Variants in CDH4 observed in about 807,000 individuals in gnomAD.
CDH4 encodes cadherin 4.
Under a neutral mutation model 86.0 loss-of-function variants are expected in CDH4, and 33 were observed. The ratio of observed to expected loss-of-function variants is 0.38; its 90% CI spans 0.29 to 0.51. CDH4 has a LOEUF of 0.51. Among genes scored for constraint, CDH4 ranks in the 20% least tolerant of loss-of-function variants. CDH4 has a pLI of 0.86. For synonymous variants in CDH4, 555 were observed against 549.4 expected (o/e 1.01, Z -0.14); for missense variants, 1,114 against 1,307.4 (o/e 0.85, Z 2.28).
chr20:61,796,728 G>A (rs1979551903), intron 4 of CDH4, among the ~76,000 whole-genome samples: 1 of 152,194 alleles, frequency 6.6e-6, no homozygotes, highest in Admixed American at 6.5e-5. Context: ...AGGTGTCAGG[G>A]CCCAAGGGGA....
intron 2 of CDH4, among the ~76,000 whole-genome samples, chr20:61,598,024 A>AT (rs1295612600): frequency 1.3e-5 from 2 of 152,178 alleles, no homozygotes; most frequent in African/African-American, 4.8e-5. Flanking sequence ...GGGCTCCTGA[A>AT]TTGTCAGCAG....
In CDH4 at chr20:61,703,752, G is replaced by T. The variant is rs2087801576; in HGVS notation, c.170-39811G>T. Among the ~76,000 whole-genome samples the T allele has an allele frequency of 6.6e-6, 1 of 152,230 alleles. No homozygotes were observed. The highest frequency in any genetic ancestry group is 2.4e-5 in the African/African-American group (1 of 41,460). On this transcript the variant is annotated intron_variant, in intron 2 of 15. Transcript: ENST00000614565. The surrounding 1 kb of genome is among the most constrained non-coding windows in gnomAD (Gnocchi z 4.3). ...GTTGAGGCTTTCTGTGTCTGCATCA[G>T]ACCCTGTGCACTATTCAGCCTCCCT...
intron 2 of CDH4, among the ~76,000 whole-genome samples, chr20:61,633,747 C>T (rs200411669): frequency 3.9e-5 from 6 of 152,228 alleles, no homozygotes; most frequent in Admixed American, 6.5e-5. Context: ...GGAGAACTGA[C>T]GAGACCGTCA....
At chr20:61,859,783 G>A (rs1314383850) in intron 6 of CDH4, among the ~76,000 whole-genome samples, 2 of 152,250 alleles carry the variant, frequency 1.3e-5, no homozygotes, top group African/African-American at 2.4e-5. Flanking sequence ...GTAGCCTCAC[G>A]GCCAGCTTCG....
intron 2 of CDH4, among the ~76,000 whole-genome samples, chr20:61,537,087 T>C (rs1015592864): frequency 5.3e-5 from 8 of 152,128 alleles, no homozygotes; most frequent in African/African-American, 1.9e-4. Flanking sequence ...TAGACAGGCG[T>C]TCACTGGGGA....
chr20:61,252,549 C>T lies in CDH4; in HGVS notation c.36C>T (p.Leu12=). ...GCGCCGGCGTGCTCCTTCTGCTGCT[C>T]TCGCTCTCCGGCGCGCTCCGGGTAA... ...TAGAGVLLLL[L]SLSGALRAHN... Residue 12 remains leucine, a synonymous_variant, in exon 1 of 16, where the codon CTC becomes CTT. Transcript: ENST00000614565. The surrounding 1 kb of genome is among the most constrained non-coding windows in gnomAD (Gnocchi z 4.4). 1 of 1,203,808 alleles carries T rather than the reference C, an allele frequency of 8.3e-7. No homozygotes were observed. The highest frequency in any genetic ancestry group is 1.0e-6 in the Non-Finnish European group (1 of 969,798). 74.6% of individuals were successfully genotyped at this position (1,203,808 alleles called of 1,614,324 possible).
At chr20:61,808,013 A>G (rs1251463962) in intron 4 of CDH4, among the ~76,000 whole-genome samples, 1 of 152,098 alleles carries the variant, frequency 6.6e-6, no homozygotes, top group African/African-American at 2.4e-5. Context: ...ACAATGAACC[A>G]GTAATCCAGC....
chr20:61,894,096 T>G (rs559191144), intron 7 of CDH4, among the ~76,000 whole-genome samples: 29 of 152,252 alleles, frequency 1.9e-4, no homozygotes, highest in African/African-American at 5.8e-4. Context: ...CTAATGGTAC[T>G]GGTGAGAGGC....
chr20:61,462,231 G>T (rs2085448170), intron 2 of CDH4, among the ~76,000 whole-genome samples: 1 of 152,218 alleles, frequency 6.6e-6, no homozygotes, highest in South Asian at 2.1e-4. Flanking sequence ...TTCTGCGGAA[G>T]TTCTGCCTTT....
At position 61,934,503 on chromosome 20, in the gene CDH4, C is replaced by T. The variant is rs996833332; in HGVS notation, c.2544+283C>T. ...GCACAGCAGGGGCTTCGTAAGAATT[C>T]GGGTTTGCAGCAGAGGCGCCAGTAG... On this transcript the variant is annotated intron_variant, in intron 15 of 15. Coordinates refer to ENST00000614565, the MANE Select transcript of CDH4 (RefSeq NM_001794.5). Among the ~76,000 whole-genome samples the T allele has an allele frequency of 3.9e-5, 6 of 152,328 alleles. 1 individual carries two copies. The highest frequency in any genetic ancestry group is 2.4e-5 in the African/African-American group (1 of 41,566).
At chr20:61,770,049 G>A (rs2088755929) in intron 3 of CDH4, among the ~76,000 whole-genome samples, 1 of 152,178 alleles carries the variant, frequency 6.6e-6, no homozygotes, top group African/African-American at 2.4e-5. Context: ...TCTGGGCGAG[G>A]AAAGCATGGA....
At chr20:61,726,871 G>T (rs537835047) in intron 2 of CDH4, among the ~76,000 whole-genome samples, 1 of 149,558 alleles carries the variant, frequency 6.7e-6, no homozygotes, top group African/African-American at 2.5e-5. Context: ...CATCACCATC[G>T]GAGGCATCAC....
chr20:61,376,088 T>C (rs951786825), intron 2 of CDH4, among the ~76,000 whole-genome samples: 2 of 152,312 alleles, frequency 1.3e-5, no homozygotes, highest in Admixed American at 1.3e-4. Flanking sequence ...AGTGTGATGG[T>C]CTTGGTGCTG....
intron 2 of CDH4, among the ~76,000 whole-genome samples, chr20:61,359,766 C>T (rs992820408): frequency 2.6e-5 from 4 of 152,184 alleles, no homozygotes; most frequent in African/African-American, 9.7e-5. Context: ...CTGATGAAAG[C>T]CAGGCTGTGG....
intron 4 of CDH4, among the ~76,000 whole-genome samples, chr20:61,832,371 C>G (rs1359467010): frequency 6.6e-6 from 1 of 152,186 alleles, no homozygotes; most frequent in African/African-American, 2.4e-5. Flanking sequence ...ATTAACGGCA[C>G]TGCCTTGGGT....
chr20:61,314,879 C>T (rs1180026071), intron 2 of CDH4, among the ~76,000 whole-genome samples: 2 of 152,156 alleles, frequency 1.3e-5, no homozygotes, highest in Non-Finnish European at 2.9e-5. Context: ...CCTGGTGATT[C>T]GTGATATTGA....
At chr20:61,766,791 C>T (rs957845356) in intron 3 of CDH4, among the ~76,000 whole-genome samples, 8 of 152,182 alleles carry the variant, frequency 5.3e-5, no homozygotes, top group South Asian at 2.1e-4. Flanking sequence ...CTTCCTGGCC[C>T]GTCCTGCCTG....
intron 3 of CDH4, among the ~76,000 whole-genome samples, chr20:61,767,451 G>A (rs1382224866): frequency 6.6e-6 from 1 of 152,248 alleles, no homozygotes; most frequent in Non-Finnish European, 1.5e-5. Flanking sequence ...GCCGTGTGGA[G>A]TGTGGCCTGC....
chr20:61,877,943 C>T (rs1744624215), intron 7 of CDH4, among the ~76,000 whole-genome samples: 1 of 152,142 alleles, frequency 6.6e-6, no homozygotes, highest in Non-Finnish European at 1.5e-5. Context: ...AGGTGTAACC[C>T]AAATGAGGCC....
Sources: gnomAD v4.1 joint callset for allele counts (sites outside exome capture counted in the v4.1 genomes callset) on GRCh38, gnomAD v4.1.1 for gene constraint, Gnocchi (gnomAD v3.1) non-coding constraint, MANE v1.5 for transcripts, NCBI Gene and HGNC (gene_info 2026-07-23, HGNC 2026-07-21) for gene names.